Variants in GLIS3 observed in about 807,000 individuals in gnomAD.
The protein encoded by GLIS3 is GLIS family zinc finger 3, also known as zinc finger protein GLIS3.
GLIS3 carries 53 observed loss-of-function variants against 78.6 expected under a neutral mutation model. That is an observed-to-expected ratio of 0.67 (90% confidence interval 0.54 to 0.85). The LOEUF (loss-of-function observed/expected upper bound fraction) is 0.85. GLIS3 is among the 40% of genes least tolerant of loss of function. The pLI, the probability that GLIS3 is intolerant of heterozygous loss-of-function variation, is 0.00. For synonymous variants in GLIS3, 684 were observed against 509.9 expected, an observed-to-expected ratio of 1.34 and a Z score of -4.60; for missense variants, 1,703 against 1,231.1, an observed-to-expected ratio of 1.38 and a Z score of -5.74.
intron 2 of GLIS3, among the ~76,000 whole-genome samples, chr9:4,206,171 C>T (rs1819862315): frequency 6.6e-6 from 1 of 152,066 alleles, no homozygotes; most frequent in Non-Finnish European, 1.5e-5. Context: ...TATAACAGAA[C>T]TATCTGGAAA....
the GLIS3 span, among the ~76,000 whole-genome samples, chr9:4,463,949 A>G: frequency 1.3e-5 from 2 of 152,224 alleles, no homozygotes; most frequent in African/African-American, 2.4e-5. Context: ...GGAAATACAA[A>G]AATACTTCGA....
intron 2 of GLIS3, among the ~76,000 whole-genome samples, chr9:4,321,388 C>G (rs113417758): frequency 0.21 from 19,358 of 91,386 alleles, 3,678 homozygotes; most frequent in Middle Eastern, 0.25. Context: ...CGCCACTGCA[C>G]TCCAGCCTGG....
intron 2 of GLIS3, among the ~76,000 whole-genome samples, chr9:4,210,822 A>C (rs948536390): frequency 6.6e-6 from 1 of 152,176 alleles, no homozygotes; most frequent in Admixed American, 6.5e-5. Flanking sequence ...GGGCCTGCCC[A>C]CTTCTGGGCT....
chr9:4,328,344 G>C (rs1171534707), intron 2 of GLIS3, among the ~76,000 whole-genome samples: 1 of 152,158 alleles, frequency 6.6e-6, no homozygotes, highest in African/African-American at 2.4e-5. Flanking sequence ...AACAAAACCA[G>C]AACCCACTCA....
At position 3,856,097 on chromosome 9, in the gene GLIS3, G is replaced by A; in HGVS notation, c.2385C>T (p.Pro795=). ...PSSILQRTQP[P]YTQQPSGSHL... is the part of the protein sequence containing the mutation. ...GTGAACCTGATGGCTGCTGGGTATAGGGAGGCTGTGTTCTTTGCAGTATTG... is the reference window on the plus strand; with the variant it reads ...GTGAACCTGATGGCTGCTGGGTATAAGGAGGCTGTGTTCTTTGCAGTATTG... The change falls in exon 9 of 11, where the codon CCC becomes CCT. Residue 795 remains proline (P), a synonymous_variant. Coordinates refer to ENST00000381971, the MANE Select transcript of GLIS3 (RefSeq NM_001042413.2). 3.7e-6 allele frequency: 6 copies of A among 1,614,198 alleles called. No homozygotes were observed. The highest frequency in any genetic ancestry group is 5.1e-6 in the Non-Finnish European group (6 of 1,180,024).
chr9:4,301,084 A>G (rs1222054965), upstream of GLIS3, among the ~76,000 whole-genome samples: 3 of 152,162 alleles, frequency 2.0e-5, no homozygotes, highest in Non-Finnish European at 4.4e-5. Flanking sequence ...CTAAAAGACT[A>G]TTGGCAGTTT....
intron 1 of GLIS3, among the ~76,000 whole-genome samples, chr9:4,288,172 T>C (rs1346268119): frequency 1.3e-5 from 2 of 152,194 alleles, no homozygotes; most frequent in Admixed American, 6.5e-5. Context: ...AGTCTGTAAA[T>C]CCATTCATTG....
the GLIS3 span, among the ~76,000 whole-genome samples, chr9:4,393,889 C>G: frequency 6.6e-6 from 1 of 151,652 alleles, no homozygotes; most frequent in Non-Finnish European, 1.5e-5. Context: ...CTCTTTTTAC[C>G]GCCAGTAATA....
intron 2 of GLIS3, among the ~76,000 whole-genome samples, chr9:4,321,738 G>C (rs1817532396): frequency 6.7e-6 from 1 of 148,790 alleles, no homozygotes. Flanking sequence ...GTTTTAGACA[G>C]AGTCTCACTG....
the GLIS3 span, among the ~76,000 whole-genome samples, chr9:4,460,745 T>C: frequency 2.1e-4 from 32 of 152,332 alleles, no homozygotes; most frequent in Non-Finnish European, 4.4e-4. Context: ...TCTTTCCTTT[T>C]TTCTTCTACA....
At chr9:3,837,029 T>A (rs1818395125) in intron 9 of GLIS3, among the ~76,000 whole-genome samples, 1 of 152,206 alleles carries the variant, frequency 6.6e-6, no homozygotes, top group African/African-American at 2.4e-5. Context: ...GCCTCTGGGC[T>A]GCTTTACAAG....
At chr9:4,049,892 A>T (rs867159219) in intron 4 of GLIS3, among the ~76,000 whole-genome samples, 1 of 152,140 alleles carries the variant, frequency 6.6e-6, no homozygotes, top group Admixed American at 6.5e-5. Context: ...TCAAAACCAC[A>T]ATGAGATACC....
intron 2 of GLIS3, among the ~76,000 whole-genome samples, chr9:4,199,984 C>G (rs1468677223): frequency 6.6e-6 from 1 of 152,056 alleles, no homozygotes; most frequent in Non-Finnish European, 1.5e-5. Context: ...GGAATAAAAA[C>G]AGAAATCAAT....
At chr9:4,283,673 C>G (rs1285024265) in intron 2 of GLIS3, among the ~76,000 whole-genome samples, 1 of 152,180 alleles carries the variant, frequency 6.6e-6, no homozygotes, top group East Asian at 1.9e-4. Flanking sequence ...GTGGCTCACC[C>G]ATAATATATG....
At chr9:4,099,710 T>G (rs951006077) in intron 4 of GLIS3, among the ~76,000 whole-genome samples, 2 of 152,228 alleles carry the variant, frequency 1.3e-5, no homozygotes, top group African/African-American at 4.8e-5. Flanking sequence ...CAACTTAATT[T>G]CTATTGGTTT....
At chr9:3,847,098 C>T (rs1251706939) in intron 9 of GLIS3, among the ~76,000 whole-genome samples, 1 of 152,146 alleles carries the variant, frequency 6.6e-6, no homozygotes, top group Non-Finnish European at 1.5e-5. Context: ...GCAGGAGAAT[C>T]ACTTGAGCCC....
At chr9:4,413,867 G>T in the GLIS3 span, among the ~76,000 whole-genome samples, 10 of 152,124 alleles carry the variant, frequency 6.6e-5, no homozygotes, top group Non-Finnish European at 1.3e-4. Context: ...CAAAAACTTG[G>T]ATTTTGCTAA....
At chr9:4,247,094 C>T (rs1414680841) in intron 2 of GLIS3, among the ~76,000 whole-genome samples, 2 of 152,260 alleles carry the variant, frequency 1.3e-5, no homozygotes, top group African/African-American at 4.8e-5. Context: ...CCCTCCTTGC[C>T]TTGGTCTTCC....
chr9:4,236,434 C>T (rs984074523), intron 2 of GLIS3, among the ~76,000 whole-genome samples: 8 of 152,102 alleles, frequency 5.3e-5, no homozygotes, highest in Non-Finnish European at 1.0e-4. Context: ...TTCCCTTTTC[C>T]TCCCTTTTCC....
Sources: gnomAD v4.1 joint callset for allele counts (sites outside exome capture counted in the v4.1 genomes callset) on GRCh38, gnomAD v4.1.1 for gene constraint, MANE v1.5 for transcripts, NCBI Gene and HGNC (gene_info 2026-07-23, HGNC 2026-07-21) for gene names.